Variants in LARP7 observed in about 807,000 individuals in gnomAD.
LARP7 encodes La ribonucleoprotein 7, transcriptional regulator, also known as la-related protein 7.
In LARP7, 52 loss-of-function variants were observed where a neutral mutation model predicts 69.3. The observed-to-expected ratio is 0.75, with a 90% CI of 0.60 to 0.95. The LOEUF is 0.95. Among genes scored for constraint, LARP7 ranks in the 40% least tolerant of loss-of-function variants. The pLI is 0.00. For missense variants in LARP7, 733 were observed against 673.0 expected, an observed-to-expected ratio of 1.09 and a Z score of -0.99; for synonymous variants, 254 against 215.9, an observed-to-expected ratio of 1.18 and a Z score of -1.55.
At chr4:112,646,985 A>G (rs754118818) in intron 5 of LARP7, 30 bp downstream of exon 5, 2 of 1,551,882 alleles carry the variant, frequency 1.3e-6, no homozygotes, top group South Asian at 1.2e-5. Context: ...AAAAAAAAAG[A>G]AAGAAAAGAA....
chr4:112,649,854 G>C (rs1194064240), intron 9 of LARP7, 168 bp downstream of exon 9: 4 of 430,868 alleles, frequency 9.3e-6, no homozygotes, highest in Admixed American at 4.3e-5. Flanking sequence ...ACTTACTCTT[G>C]ATATAAGAAT....
chr4:112,652,301 C>A (rs566353014), intron 10 of LARP7, among the ~76,000 whole-genome samples: 2 of 141,460 alleles, frequency 1.4e-5, no homozygotes, highest in Non-Finnish European at 3.1e-5. Context: ...TTTCCCCCCC[C>A]CCCCCATTTA....
At position 112,649,588 on chromosome 4, in the gene LARP7, TG is replaced by T; in HGVS notation, c.1198del (p.Ala400LeufsTer3). ...KEYLALQKAS[M>X]ASLKKTISQI... The stretch of plus-strand genomic sequence containing the variant: ...TATTTAGCGCTACAAAAAGCTAGCA[TG>T]GCTTCTTTAAAAAAAACAATATCCC... On this transcript the variant is annotated frameshift_variant, in exon 9 of 13. Coordinates refer to ENST00000344442, the MANE Select transcript of LARP7 (RefSeq NM_016648.4). LOFTEE classifies it high-confidence loss of function. 1 of 1,607,732 alleles carries T rather than the reference TG, an allele frequency of 6.2e-7. No homozygotes were observed. The highest frequency in any genetic ancestry group is 8.5e-7 in the Non-Finnish European group (1 of 1,176,680).
intron 11 of LARP7, among the ~76,000 whole-genome samples, chr4:112,653,524 G>T (rs1388355781): frequency 2.0e-5 from 3 of 152,040 alleles, no homozygotes; most frequent in East Asian, 1.9e-4. Flanking sequence ...CGCTCTTGTT[G>T]CCCAGGCTGG....
rs144961670 is a variant in LARP7, at chr4:112,654,430, G to A, written c.1668+271G>A. 17 of 277,220 alleles carry A rather than the reference G, an allele frequency of 6.1e-5. No individual in the cohort carries two copies. The East Asian group carries it at 6.2e-4, about 10-fold the overall frequency. 17.2% of individuals were successfully genotyped at this position (277,220 alleles called of 1,614,324 possible). On this transcript the variant is annotated intron_variant, in intron 12 of 12. Transcript: ENST00000344442. ...ATATACTTTAACAGTCTTGATATCT[G>A]GCTGCTATGTCTTGTAGTTTGGTGA...
chr4:112,653,943 G>A (rs1346205003), intron 11 of LARP7, 125 bp from the exon 12 acceptor site: 1 of 725,818 alleles, frequency 1.4e-6, no homozygotes, highest in Non-Finnish European at 2.4e-6. Context: ...TGTAATATGT[G>A]TAAAGTAGCA....
At chr4:112,638,682 T>C (rs1433522387) in intron 1 of LARP7, among the ~76,000 whole-genome samples, 4 of 152,196 alleles carry the variant, frequency 2.6e-5, no homozygotes, top group Non-Finnish European at 4.4e-5. Flanking sequence ...AGGTGAGTAA[T>C]AGGCAATAGT....
At chr4:112,655,204 G>C (rs1381712321) in intron 12 of LARP7, among the ~76,000 whole-genome samples, 1 of 152,182 alleles carries the variant, frequency 6.6e-6, no homozygotes, top group Non-Finnish European at 1.5e-5. Flanking sequence ...AAGCCAGTTT[G>C]AGATTATTCA....
intron 10 of LARP7, among the ~76,000 whole-genome samples, chr4:112,651,945 C>A (rs79120679): frequency 0.021 from 3,204 of 150,840 alleles, 123 homozygotes; most frequent in African/African-American, 0.072. Context: ...AAATTTGGTA[C>A]TAATTAACTA....
At chr4:112,648,672 A>G in intron 8 of LARP7, 1 of 385,504 alleles carries the variant, frequency 2.6e-6, no homozygotes, top group South Asian at 2.0e-5. Flanking sequence ...ACTAGTTCCC[A>G]AAGATTCGTG....
chr4:112,651,604 C>G (rs189402124), intron 10 of LARP7, among the ~76,000 whole-genome samples: 119 of 145,918 alleles, frequency 8.2e-4, no homozygotes, highest in African/African-American at 3.1e-3. Flanking sequence ...ATTACAAATT[C>G]ATCATTTATG....
intron 12 of LARP7, among the ~76,000 whole-genome samples, chr4:112,655,126 C>A (rs1336748368): frequency 6.6e-6 from 1 of 151,968 alleles, no homozygotes. Flanking sequence ...GGAGACTGAA[C>A]TTGCTGTGGT....
At chr4:112,642,104 A>G (rs534280789) in intron 1 of LARP7, among the ~76,000 whole-genome samples, 7 of 152,260 alleles carry the variant, frequency 4.6e-5, no homozygotes, top group African/African-American at 1.7e-4. Flanking sequence ...TGAAGAAAAT[A>G]TTTTCAAGGA....
intron 12 of LARP7, 58 bp downstream of exon 12, chr4:112,654,217 A>G: frequency 8.7e-7 from 1 of 1,154,796 alleles, no homozygotes; most frequent in African/African-American, 1.5e-5. Flanking sequence ...TTAATGCCAA[A>G]GTCAGTACTA....
chr4:112,640,079 C>A (rs964413895), intron 1 of LARP7, among the ~76,000 whole-genome samples: 11 of 152,086 alleles, frequency 7.2e-5, no homozygotes, highest in Non-Finnish European at 1.5e-4. Context: ...GCTGGCATTA[C>A]AGGCATGGGC....
At chr4:112,650,985 C>T (rs955104196) in intron 10 of LARP7, among the ~76,000 whole-genome samples, 21 of 152,044 alleles carry the variant, frequency 1.4e-4, no homozygotes, top group South Asian at 2.1e-4. Context: ...ATATAATTTA[C>T]GCTACAAATT....
intron 10 of LARP7, 113 bp downstream of exon 10, chr4:112,650,695 T>C (rs1388784343): frequency 1.9e-5 from 21 of 1,110,834 alleles, no homozygotes; most frequent in Non-Finnish European, 2.7e-5. Context: ...TTTGTTTCCC[T>C]ATGGTAAACT....
In LARP7 at chr4:112,647,272, C is replaced by T; in HGVS notation, c.720C>T (p.Asn240=). ...ACAATATCCAAGCCAAAGAAGAAAA[C>T]ATGGACACAAGCAACACCAGCATCA... ...KEDNIQAKEE[N]MDTSNTSISK... Residue 240 remains asparagine (N), a synonymous_variant, in exon 7 of 13, where the codon AAC becomes AAT. Transcript: ENST00000344442. 1 of 1,613,172 alleles carries T rather than the reference C, an allele frequency of 6.2e-7. No homozygotes were observed. Among genetic ancestry groups the T allele is most frequent in the Non-Finnish European group, 8.5e-7 (1 of 1,179,864 alleles).
intron 1 of LARP7, among the ~76,000 whole-genome samples, chr4:112,641,215 G>A (rs575271923): frequency 2.6e-4 from 40 of 152,038 alleles, no homozygotes; most frequent in South Asian, 2.5e-3. Context: ...ATGAAACCCC[G>A]TCTCTACTAA....
Sources: allele counts gnomAD v4.1 joint callset (sites outside exome capture counted in the v4.1 genomes callset), GRCh38; gene constraint gnomAD v4.1.1; transcripts MANE v1.5; gene names NCBI Gene and HGNC (gene_info 2026-07-23, HGNC 2026-07-21).